The following PEX14 variants were observed in gnomAD, a reference collection of about 807,000 sequenced individuals.
PEX14 encodes peroxisomal membrane protein PEX14.
A neutral mutation model predicts 49.5 loss-of-function variants in PEX14; 15 were observed. That is an observed-to-expected ratio of 0.30 (90% CI 0.20 to 0.47). The LOEUF (loss-of-function observed/expected upper bound fraction) is 0.47, where lower values mean the gene tolerates loss of function less well. Ranked by LOEUF, PEX14 falls within the 20% of genes least tolerant of loss-of-function variation. PEX14 has a pLI of 1.00. For synonymous variants in PEX14, 210 were observed against 212.7 expected, an observed-to-expected ratio of 0.99 and a Z score of 0.11; for missense variants, 398 against 494.8, an observed-to-expected ratio of 0.80 and a Z score of 1.86.
At chr1:10,505,008 ACTC>A (rs1339288700) in intron 2 of PEX14, among the ~76,000 whole-genome samples, 1 of 151,044 alleles carries the variant, frequency 6.6e-6, no homozygotes, top group African/African-American at 2.4e-5. Context: ...TGGTCTCAAA[ACTC>A]CTGACCTCAA....
At chr1:10,605,805 A>G (rs1641109805) in intron 4 of PEX14, among the ~76,000 whole-genome samples, 7 of 152,218 alleles carry the variant, frequency 4.6e-5, no homozygotes, top group Admixed American at 4.6e-4. Flanking sequence ...TTGTATATGA[A>G]GAAAGTATTT....
At chr1:10,596,393 C>T (rs1640833774) in intron 3 of PEX14, among the ~76,000 whole-genome samples, 1 of 152,160 alleles carries the variant, frequency 6.6e-6, no homozygotes, top group Non-Finnish European at 1.5e-5. Context: ...CAGATAGGAG[C>T]CAGGGGTTAA....
At chr1:10,503,684 T>C (rs1470450927) in intron 2 of PEX14, among the ~76,000 whole-genome samples, 1 of 151,958 alleles carries the variant, frequency 6.6e-6, no homozygotes, top group Admixed American at 6.6e-5. Flanking sequence ...GTTGTGTTGG[T>C]TAAGATAACC....
At chr1:10,497,727 T>C (rs1020811696) in intron 2 of PEX14, among the ~76,000 whole-genome samples, 2 of 152,198 alleles carry the variant, frequency 1.3e-5, no homozygotes, top group Non-Finnish European at 2.9e-5. Context: ...TTTGGGAAAC[T>C]TGAAGCCAGG....
At chr1:10,585,455 T>C (rs904689384) in intron 3 of PEX14, among the ~76,000 whole-genome samples, 1 of 152,190 alleles carries the variant, frequency 6.6e-6, no homozygotes, top group Admixed American at 6.5e-5. Context: ...AATACTCCAT[T>C]AAAAGCAGTT....
intron 2 of PEX14, among the ~76,000 whole-genome samples, chr1:10,506,107 C>T (rs767317979): frequency 2.0e-5 from 3 of 152,140 alleles, no homozygotes; most frequent in Non-Finnish European, 4.4e-5. Flanking sequence ...GGAACGTACT[C>T]ACCAGGCTCT....
chr1:10,528,922 AT>A (rs1178009909), intron 2 of PEX14, among the ~76,000 whole-genome samples: 1 of 152,018 alleles, frequency 6.6e-6, no homozygotes, highest in Non-Finnish European at 1.5e-5. Context: ...GTATAATGGC[AT>A]TTTCCTCCTC....
chr1:10,588,913 A>G (rs1640579061), intron 3 of PEX14, among the ~76,000 whole-genome samples: 1 of 152,170 alleles, frequency 6.6e-6, no homozygotes, highest in African/African-American at 2.4e-5. Flanking sequence ...AAATCTATCC[A>G]TGAAATTGTG....
chr1:10,522,119 G>C (rs1638318598), intron 2 of PEX14, among the ~76,000 whole-genome samples: 1 of 152,158 alleles, frequency 6.6e-6, no homozygotes, highest in African/African-American at 2.4e-5. Context: ...GTGTAGCCTT[G>C]GCTCTCCCAG....
rs149265608 is a variant in PEX14 at position 10,629,614 on chromosome 1, C to A, written c.761C>A (p.Ala254Glu). The A allele has an allele frequency of 6.2e-7, 1 of 1,613,674 alleles. No individual in the cohort carries two copies. The highest frequency in any genetic ancestry group is 8.5e-7 in the Non-Finnish European group (1 of 1,179,892). ...AAGTCACCGTCACCCTCCAGCCCTGCGGCCGTGAACCACCACAGCAGCAGC... is the reference window on the plus strand; with the variant it reads ...AAGTCACCGTCACCCTCCAGCCCTGAGGCCGTGAACCACCACAGCAGCAGC... ...PVKSPSPSSP[A>E]AVNHHSSSDI... The change falls in exon 9 of 9, where the codon GCG becomes GAG. Residue 254 changes from alanine to glutamate, a missense_variant. Ala to Glu is a moderately radical substitution (Grantham distance 107). Around this residue, in one of 3 missense-constraint regions of PEX14, gnomAD observed 202 missense variants for 298.5 expected, o/e 0.68. Coordinates refer to ENST00000356607, the MANE Select transcript of PEX14 (RefSeq NM_004565.3). The surrounding 1 kb of genome is among the most constrained non-coding windows in gnomAD (Gnocchi z 8.5).
intron 3 of PEX14, among the ~76,000 whole-genome samples, chr1:10,596,642 G>C (rs1243195231): frequency 6.6e-6 from 1 of 152,186 alleles, no homozygotes; most frequent in African/African-American, 2.4e-5. Flanking sequence ...CTCTCTACAA[G>C]TAGGATGTGG....
chr1:10,574,229 T>C (rs1640060652), intron 3 of PEX14, among the ~76,000 whole-genome samples: 1 of 152,192 alleles, frequency 6.6e-6, no homozygotes, highest in South Asian at 2.1e-4. Context: ...TACTGGTCAA[T>C]GGGTCTGCAT....
intron 3 of PEX14, among the ~76,000 whole-genome samples, chr1:10,542,155 G>A (rs1029718911): frequency 1.3e-5 from 2 of 152,136 alleles, no homozygotes; most frequent in African/African-American, 4.8e-5. Context: ...GTAGAGAAGG[G>A]TATACAGTAA....
chr1:10,480,110 G>T (rs912581407), intron 1 of PEX14, among the ~76,000 whole-genome samples: 4 of 152,136 alleles, frequency 2.6e-5, no homozygotes. Context: ...CTCAGAGTTA[G>T]TTTTCTTCTC....
intron 3 of PEX14, among the ~76,000 whole-genome samples, chr1:10,574,057 G>A (rs181747345): frequency 1.3e-5 from 2 of 152,284 alleles, no homozygotes; most frequent in Non-Finnish European, 2.9e-5. Context: ...AGCTGACATC[G>A]TGCCACTGCA....
intron 3 of PEX14, among the ~76,000 whole-genome samples, chr1:10,549,606 AG>A (rs1639279675): frequency 6.6e-6 from 1 of 152,220 alleles, no homozygotes; most frequent in African/African-American, 2.4e-5. Context: ...GTGCTGAAAT[AG>A]AAATAAAGGT....
chr1:10,605,288 G>C (rs921841008), intron 4 of PEX14, among the ~76,000 whole-genome samples: 1 of 152,194 alleles, frequency 6.6e-6, no homozygotes, highest in African/African-American at 2.4e-5. Context: ...ACTGCTCTGG[G>C]CAAGCTATGG....
intron 3 of PEX14, among the ~76,000 whole-genome samples, chr1:10,561,018 A>G (rs1246951656): frequency 6.6e-6 from 1 of 151,850 alleles, no homozygotes. Context: ...TGCCTGGCCC[A>G]TTTTGCCACT....
chr1:10,593,268 C>T (rs1238421250), intron 3 of PEX14, among the ~76,000 whole-genome samples: 1 of 152,138 alleles, frequency 6.6e-6, no homozygotes, highest in Non-Finnish European at 1.5e-5. Flanking sequence ...TGAGAATTAT[C>T]TTCTTGGTTA....
Sources: gnomAD v4.1 joint callset for allele counts (sites outside exome capture counted in the v4.1 genomes callset) on GRCh38, gnomAD v4.1.1 for gene constraint, gnomAD v4.1.1 regional missense constraint, Gnocchi (gnomAD v3.1) non-coding constraint, MANE v1.5 for transcripts, NCBI Gene and HGNC (gene_info 2026-07-23, HGNC 2026-07-21) for gene names.